HIPK3: variants seen among roughly 807,000 people sequenced by gnomAD.
HIPK3 encodes the protein homeodomain interacting protein kinase 3.
Under a neutral mutation model 124.2 loss-of-function variants are expected in HIPK3, and 47 were observed. That is an observed-to-expected ratio of 0.38 (90% CI 0.30 to 0.48). The LOEUF is 0.48. Ranked by LOEUF, HIPK3 falls within the 20% of genes least tolerant of loss-of-function variation. The pLI is 0.98. For missense variants in HIPK3, 1,286 were observed against 1,454.3 expected (o/e 0.88, Z 1.88); for synonymous variants, 482 against 515.2 (o/e 0.94, Z 0.87).
intron 2 of HIPK3, among the ~76,000 whole-genome samples, chr11:33,318,761 G>A (rs375352053): frequency 9.9e-5 from 15 of 152,108 alleles, no homozygotes; most frequent in Non-Finnish European, 1.6e-4. Flanking sequence ...GTTTTCTCAC[G>A]TTATATAACT....
At chr11:33,348,945 C>A in intron 13 of HIPK3, 127 bp downstream of exon 13, 1 of 963,002 alleles carries the variant, frequency 1.0e-6, no homozygotes, top group Non-Finnish European at 1.5e-6. Context: ...AATTAGATAA[C>A]CCAGTTCTAG....
At chr11:33,351,467 A>G (rs1853654294) in intron 14 of HIPK3, 141 bp from the exon 15 acceptor site, 1 of 622,726 alleles carries the variant, frequency 1.6e-6, no homozygotes, top group Admixed American at 3.1e-5. Context: ...AAAAAGTGCT[A>G]TTGGACAAGG....
intron 14 of HIPK3, 152 bp downstream of exon 14, chr11:33,349,439 A>G: frequency 1.5e-6 from 1 of 661,716 alleles, no homozygotes; most frequent in East Asian, 2.7e-5. Context: ...TTATAAACAC[A>G]GGTTTGTTTG....
intron 2 of HIPK3, among the ~76,000 whole-genome samples, chr11:33,313,487 A>G (rs969291996): frequency 1.3e-5 from 2 of 149,756 alleles, no homozygotes; most frequent in African/African-American, 2.4e-5. Context: ...TTAACTCTCA[A>G]ACAGTTCAGA....
intron 1 of HIPK3, among the ~76,000 whole-genome samples, chr11:33,273,787 A>G (rs1851202136): frequency 6.6e-6 from 1 of 152,172 alleles, no homozygotes; most frequent in South Asian, 2.1e-4. Flanking sequence ...AAAGATTTTT[A>G]AAAACTGAAA....
chr11:33,306,444 G>T (rs1383417214), intron 2 of HIPK3, among the ~76,000 whole-genome samples: 2 of 150,312 alleles, frequency 1.3e-5, no homozygotes, highest in Admixed American at 1.3e-4. Flanking sequence ...ATTTATTAAA[G>T]ATTTTACTTG....
chr11:33,305,686 T>G (rs1298729061), intron 2 of HIPK3, among the ~76,000 whole-genome samples: 2 of 152,340 alleles, frequency 1.3e-5, no homozygotes, highest in East Asian at 1.9e-4. Flanking sequence ...CTCATCTTCC[T>G]GAAAATCTCT....
chr11:33,327,858 A>G (rs1852857682), intron 2 of HIPK3, among the ~76,000 whole-genome samples: 1 of 152,204 alleles, frequency 6.6e-6, no homozygotes, highest in East Asian at 1.9e-4. Context: ...AAGGTGCAAC[A>G]TAATTTATCT....
At chr11:33,273,497 G>C (rs1590345275) in intron 1 of HIPK3, among the ~76,000 whole-genome samples, 1 of 101,586 alleles carries the variant, frequency 9.8e-6, no homozygotes, top group Non-Finnish European at 1.8e-5. Context: ...GCGACAGAGT[G>C]AGACTCTGTC....
At chr11:33,298,108 T>C (rs1851893120) in intron 2 of HIPK3, among the ~76,000 whole-genome samples, 1 of 152,006 alleles carries the variant, frequency 6.6e-6, no homozygotes, top group South Asian at 2.1e-4. Flanking sequence ...CTAGCTTTGT[T>C]GGGATAATGC....
chr11:33,282,118 T>C (rs1851427016), intron 1 of HIPK3, among the ~76,000 whole-genome samples: 1 of 152,234 alleles, frequency 6.6e-6, no homozygotes, highest in South Asian at 2.1e-4. Context: ...GCTCAGTGGC[T>C]CATGTCTGTA....
intron 8 of HIPK3, among the ~76,000 whole-genome samples, chr11:33,345,379 G>A (rs767840201): frequency 2.0e-5 from 3 of 152,004 alleles, no homozygotes. Flanking sequence ...TGTCTTCCAA[G>A]TATTAAAGCA....
chr11:33,258,192 C>T (rs1178832284), intron 1 of HIPK3: 2 of 622,016 alleles, frequency 3.2e-6, no homozygotes, highest in African/African-American at 2.0e-5. Flanking sequence ...CTGGCCGGGG[C>T]CCGGGGGCCT....
chr11:33,345,963 A>G (rs191487614), intron 8 of HIPK3, among the ~76,000 whole-genome samples: 1,560 of 152,318 alleles, frequency 0.01, 8 homozygotes, highest in Non-Finnish European at 0.015. Context: ...GCCTGAAGAG[A>G]AACACTCAAC....
Position 33,260,890 on chromosome 11 carries a change from G to A in HIPK3, c.-3+3001G>A, listed in dbSNP as rs145683826. Among the ~76,000 whole-genome samples the A allele has an allele frequency of 3.3e-4, 50 of 152,094 alleles. No individual in the cohort carries two copies. In the East Asian group the frequency reaches 6.0e-3, roughly 18 times the overall value. ...GATGTCCAAAGTTGAGACTCCCAAT[G>A]TAGTATGTTTAACTTGGAAGTTACT... is the stretch of plus-strand genomic sequence containing the variant. On this transcript the variant is annotated intron_variant, in intron 1 of 16. Transcript: ENST00000303296.
chr11:33,353,029 T>A, intron 16 of HIPK3, 63 bp from the exon 17 acceptor site: 1 of 1,005,188 alleles, frequency 9.9e-7, no homozygotes, highest in Non-Finnish European at 1.5e-6. Context: ...TTTCCCTTTC[T>A]TTCTTTCCTT....
chr11:33,326,294 G>A (rs1246358710), intron 2 of HIPK3, among the ~76,000 whole-genome samples: 2 of 152,156 alleles, frequency 1.3e-5, no homozygotes, highest in Non-Finnish European at 2.9e-5. Context: ...TTGGTGTAGG[G>A]TGTGGCCAGG....
chr11:33,350,324 C>G (rs981082866), intron 14 of HIPK3, among the ~76,000 whole-genome samples: 5 of 152,048 alleles, frequency 3.3e-5, no homozygotes, highest in African/African-American at 1.2e-4. Context: ...TGTACCACTG[C>G]TAAGATAGTA....
chr11:33,320,884 A>G (rs866035771), intron 2 of HIPK3, among the ~76,000 whole-genome samples: 24 of 152,188 alleles, frequency 1.6e-4, no homozygotes, highest in African/African-American at 5.6e-4. Flanking sequence ...TTGGATTCAC[A>G]AGTCTGGAGT....
Sources: gnomAD v4.1 joint callset for allele counts (sites outside exome capture counted in the v4.1 genomes callset) on GRCh38, gnomAD v4.1.1 for gene constraint, MANE v1.5 for transcripts, NCBI Gene and HGNC (gene_info 2026-07-23, HGNC 2026-07-21) for gene names.